The following ZNF292 variants were observed in gnomAD, a reference collection of about 807,000 sequenced individuals.
The protein encoded by ZNF292 is zinc finger protein 292.
In ZNF292, 26 loss-of-function variants were observed where a neutral mutation model predicts 217.9. The ratio of observed to expected loss-of-function variants is 0.12; its 90% confidence interval spans 0.09 to 0.17. The LOEUF (loss-of-function observed/expected upper bound fraction) is 0.17, where lower values mean the gene tolerates loss of function less well. Ranked by LOEUF, ZNF292 falls within the 10% of genes least tolerant of loss-of-function variation. The pLI is 1.00. For missense variants in ZNF292, 2,904 were observed against 3,175.2 expected (o/e 0.91, Z 2.05); for synonymous variants, 1,257 against 1,124.1 (o/e 1.12, Z -2.37).
intron 1 of ZNF292, chr6:87,173,876 G>A (rs1562122777): frequency 5.9e-6 from 1 of 168,256 alleles, no homozygotes; most frequent in Non-Finnish European, 1.3e-5. Flanking sequence ...CTCAGGTTTA[G>A]GGATGGACGT....
At chr6:87,246,902 C>T (rs1215569570) in intron 7 of ZNF292, among the ~76,000 whole-genome samples, 1 of 152,024 alleles carries the variant, frequency 6.6e-6, no homozygotes, top group Non-Finnish European at 1.5e-5. Flanking sequence ...CGCCTGTAAT[C>T]CCAGCATTTT....
intron 7 of ZNF292, among the ~76,000 whole-genome samples, chr6:87,254,309 T>C (rs1775088389): frequency 6.6e-6 from 1 of 152,254 alleles, no homozygotes; most frequent in Non-Finnish European, 1.5e-5. Flanking sequence ...TCTCCTTTAA[T>C]ACAGCAGTTT....
intron 4 of ZNF292, among the ~76,000 whole-genome samples, chr6:87,225,809 A>G (rs966662536): frequency 6.6e-6 from 1 of 152,218 alleles, no homozygotes; most frequent in Admixed American, 6.5e-5. Flanking sequence ...GAGTAGTAAG[A>G]GTAGAAGAAA....
intron 1 of ZNF292, among the ~76,000 whole-genome samples, chr6:87,210,000 A>G (rs951468536): frequency 2.4e-4 from 37 of 152,216 alleles, no homozygotes; most frequent in Non-Finnish European, 5.1e-4. Flanking sequence ...ATCTTTACAT[A>G]GGACAATAAT....
chr6:87,175,961 G>A (rs1034688708), intron 1 of ZNF292, among the ~76,000 whole-genome samples: 4 of 151,976 alleles, frequency 2.6e-5, no homozygotes, highest in African/African-American at 7.3e-5. Context: ...CTGGTTCTAC[G>A]TTTGTGACTG....
At chr6:87,207,075 A>G (rs1277665429) in intron 1 of ZNF292, among the ~76,000 whole-genome samples, 1 of 152,338 alleles carries the variant, frequency 6.6e-6, no homozygotes, top group Admixed American at 6.5e-5. Context: ...TGGTGAACTA[A>G]GGTAGCTGGT....
intron 7 of ZNF292, among the ~76,000 whole-genome samples, chr6:87,251,271 A>G (rs867666377): frequency 1.3e-5 from 2 of 152,234 alleles, no homozygotes; most frequent in South Asian, 2.1e-4. Flanking sequence ...TCTGAAATAC[A>G]TGGTAATTAT....
At chr6:87,189,261 A>T (rs982102344) in intron 1 of ZNF292, among the ~76,000 whole-genome samples, 1 of 151,966 alleles carries the variant, frequency 6.6e-6, no homozygotes, top group Non-Finnish European at 1.5e-5. Flanking sequence ...TTCAAAATAA[A>T]TTTTTTATTA....
chr6:87,200,506 C>T (rs1046338640), intron 1 of ZNF292, among the ~76,000 whole-genome samples: 2 of 152,090 alleles, frequency 1.3e-5, no homozygotes, highest in African/African-American at 4.8e-5. Context: ...GGTTTCTTAG[C>T]AATTAGGTTA....
At chr6:87,206,347 T>TC (rs5878021) in intron 1 of ZNF292, among the ~76,000 whole-genome samples, 95,151 of 151,870 alleles carry the variant, frequency 0.63, 31,285 homozygotes, top group African/African-American at 0.83. Flanking sequence ...ACTTTGCTTT[T>TC]CAAACTCTTC....
At chr6:87,179,361 A>G (rs1233446925) in intron 1 of ZNF292, among the ~76,000 whole-genome samples, 1 of 152,020 alleles carries the variant, frequency 6.6e-6, no homozygotes, top group East Asian at 1.9e-4. Context: ...GGGTTTCACC[A>G]TGTTGGCCAG....
At position 87,260,646 on chromosome 6, in the gene ZNF292, T is replaced by C. The variant is rs78762832; in HGVS notation, c.7017T>C (p.Asn2339=). The C allele has an allele frequency of 5.3e-5, 85 of 1,611,980 alleles. No homozygotes were observed. In the Middle Eastern group the frequency reaches 1.2e-3, roughly 22 times the overall value. ...CCAAGACCAAACGAAAGAAAAAAAA[T>C]AATTTAGAAAACAAGAATGCAAAGA... The part of the protein sequence containing the change: ...KMPKTKRKKK[N]NLENKNAKIV... Residue 2339 remains asparagine, a synonymous_variant, in exon 8 of 8, where the codon AAT becomes AAC. Transcript: ENST00000369577.
rs368208685 is a variant in ZNF292 at position 87,258,970 on chromosome 6, G to A, written c.5341G>A (p.Gly1781Ser). The change falls in exon 8 of 8, where the codon GGT becomes AGT. Residue 1781 changes from glycine to serine, a missense_variant. Coordinates refer to ENST00000369577, the MANE Select transcript of ZNF292 (RefSeq NM_015021.3). ...LEVKSGSQGAGETSQNAQINY... is the reference protein window; with the variant it reads ...LEVKSGSQGASETSQNAQINY... ...GGTAAAAAGTGGATCTCAGGGTGCT[G>A]GTGAAACTTCACAAAATGCTCAAAT... 39 of 1,613,008 alleles carry A rather than the reference G, an allele frequency of 2.4e-5. No individual in the cohort carries two copies. The highest frequency in any genetic ancestry group is 3.1e-5 in the Non-Finnish European group (36 of 1,179,484).
At chr6:87,242,081 A>T (rs1034601856) in intron 5 of ZNF292, among the ~76,000 whole-genome samples, 4 of 152,218 alleles carry the variant, frequency 2.6e-5, no homozygotes, top group Non-Finnish European at 2.9e-5. Context: ...AATAATATAT[A>T]TAAAATGTCT....
intron 1 of ZNF292, among the ~76,000 whole-genome samples, chr6:87,210,440 T>A (rs1772436054): frequency 6.6e-6 from 1 of 151,924 alleles, no homozygotes; most frequent in African/African-American, 2.4e-5. Flanking sequence ...TACCTATTTC[T>A]TCTATCCTAG....
chr6:87,241,002 T>C (rs1252166114), intron 5 of ZNF292, among the ~76,000 whole-genome samples: 1 of 152,182 alleles, frequency 6.6e-6, no homozygotes, highest in Non-Finnish European at 1.5e-5. Flanking sequence ...GTATTAGCAT[T>C]GGCTGAGCAC....
intron 4 of ZNF292, chr6:87,222,996 C>T: frequency 3.5e-6 from 1 of 283,300 alleles, no homozygotes; most frequent in Non-Finnish European, 7.3e-6. Flanking sequence ...AGGTAAAGTA[C>T]CATTGCCATC....
At chr6:87,170,765 T>C (rs951462765) in intron 1 of ZNF292, among the ~76,000 whole-genome samples, 2 of 152,240 alleles carry the variant, frequency 1.3e-5, no homozygotes, top group African/African-American at 2.4e-5. Flanking sequence ...ATACTGTGAA[T>C]TAAAATCTTG....
chr6:87,182,078 C>T (rs1771489281), intron 1 of ZNF292, among the ~76,000 whole-genome samples: 1 of 152,298 alleles, frequency 6.6e-6, no homozygotes, highest in South Asian at 2.1e-4. Context: ...AGTGCTTCCT[C>T]CTCACCCACT....
Sources: allele counts gnomAD v4.1 joint callset (sites outside exome capture counted in the v4.1 genomes callset), GRCh38; gene constraint gnomAD v4.1.1; transcripts MANE v1.5; gene names NCBI Gene and HGNC (gene_info 2026-07-23, HGNC 2026-07-21).